The following CSMD2 variants were observed in gnomAD, a reference collection of about 807,000 sequenced individuals.
CSMD2 encodes the protein CUB and sushi domain-containing protein 2.
CSMD2 carries 130 observed loss-of-function variants against 398.5 expected under a neutral mutation model. The observed-to-expected ratio is 0.33, with a 90% CI of 0.28 to 0.38. CSMD2 has a LOEUF of 0.38. Ranked by LOEUF, CSMD2 falls within the 10% of genes least tolerant of loss-of-function variation. The probability of loss-of-function intolerance (pLI) is 1.00; values close to 1 mark genes in which losing one functional copy is unlikely to be tolerated. For synonymous variants in CSMD2, 1,828 were observed against 1,908.5 expected (o/e 0.96, Z 1.10); for missense variants, 3,829 against 4,764.9 (o/e 0.80, Z 5.78).
intron 3 of CSMD2, among the ~76,000 whole-genome samples, chr1:34,009,855 A>G (rs546839540): frequency 6.6e-6 from 1 of 152,034 alleles, no homozygotes; most frequent in East Asian, 1.9e-4. Flanking sequence ...TCTCCCCTAC[A>G]TCCCATTCCC....
intron 3 of CSMD2, among the ~76,000 whole-genome samples, chr1:34,007,683 G>C (rs1362304918): frequency 2.0e-5 from 3 of 152,132 alleles, no homozygotes; most frequent in African/African-American, 7.2e-5. Context: ...AAGGGGAAGA[G>C]TAGAAACAAT....
chr1:33,702,478 CAG>C (rs1645641468), intron 22 of CSMD2, among the ~76,000 whole-genome samples: 1 of 152,086 alleles, frequency 6.6e-6, no homozygotes, highest in East Asian at 1.9e-4. Flanking sequence ...ACTTATAAAA[CAG>C]AAATGTGCAA....
At chr1:34,043,781 T>C (rs1457330834) in intron 2 of CSMD2, among the ~76,000 whole-genome samples, 1 of 152,154 alleles carries the variant, frequency 6.6e-6, no homozygotes, top group African/African-American at 2.4e-5. Context: ...AACATTATGG[T>C]TTATGCTGAA....
chr1:33,865,314 A>G (rs530676813), intron 5 of CSMD2, among the ~76,000 whole-genome samples: 7 of 151,296 alleles, frequency 4.6e-5, no homozygotes, highest in African/African-American at 1.7e-4. Flanking sequence ...CAGGATTTCC[A>G]GCAACACTTA....
chr1:33,646,341 A>C (rs1478568374), intron 29 of CSMD2, among the ~76,000 whole-genome samples: 1 of 152,246 alleles, frequency 6.6e-6, no homozygotes, highest in Non-Finnish European at 1.5e-5. Flanking sequence ...GCTGATAGCT[A>C]TGAGGTTGAA....
intron 5 of CSMD2, among the ~76,000 whole-genome samples, chr1:33,857,245 G>A (rs1272720210): frequency 1.3e-5 from 2 of 152,086 alleles, no homozygotes; most frequent in African/African-American, 2.4e-5. Flanking sequence ...AAAGGTGCCT[G>A]GCACATAGCA....
At chr1:33,847,964 A>C (rs1224748941) in intron 5 of CSMD2, among the ~76,000 whole-genome samples, 1 of 152,224 alleles carries the variant, frequency 6.6e-6, no homozygotes, top group Non-Finnish European at 1.5e-5. Flanking sequence ...CCAGCTTCTA[A>C]CACCATACTG....
chr1:34,093,108 C>A (rs1264640998), intron 1 of CSMD2, among the ~76,000 whole-genome samples: 2 of 152,274 alleles, frequency 1.3e-5, no homozygotes, highest in African/African-American at 2.4e-5. Flanking sequence ...CCCCTGACCC[C>A]CGAGCAGCCT....
chr1:33,865,098 T>C (rs1639922861), intron 5 of CSMD2, among the ~76,000 whole-genome samples: 2 of 150,868 alleles, frequency 1.3e-5, no homozygotes, highest in South Asian at 2.1e-4. Context: ...GCAGCAGTCA[T>C]GGAGGTAGAA....
At chr1:33,722,387 G>A (rs1042230712) in intron 19 of CSMD2, among the ~76,000 whole-genome samples, 3 of 152,196 alleles carry the variant, frequency 2.0e-5, no homozygotes, top group Admixed American at 1.3e-4. Flanking sequence ...TGGAATGCCT[G>A]AACCATTTCG....
chr1:33,792,422 C>G lies in CSMD2; in HGVS notation c.1550+1G>C. 6.2e-7 allele frequency: 1 copy of G among 1,610,370 alleles called. No homozygotes were observed. The highest frequency in any genetic ancestry group is 8.5e-7 in the Non-Finnish European group (1 of 1,176,592). The stretch of plus-strand genomic sequence containing the variant: ...CAAACAACATGCCCCACTGCACTTA[C>G]ATGTAGAGAACTGTCTTCTGGTCCC... On this transcript the variant is annotated splice_donor_variant, in intron 11 of 70. Transcript: ENST00000373381. LOFTEE classifies it high-confidence loss of function.
At chr1:34,124,659 C>T (rs753076638) in intron 1 of CSMD2, among the ~76,000 whole-genome samples, 11 of 152,160 alleles carry the variant, frequency 7.2e-5, no homozygotes, top group Non-Finnish European at 1.2e-4. Context: ...TGGATCAATG[C>T]GAGGTTGGCA....
At chr1:34,099,872 T>C (rs924229487) in intron 1 of CSMD2, among the ~76,000 whole-genome samples, 1 of 152,176 alleles carries the variant, frequency 6.6e-6, no homozygotes, top group Non-Finnish European at 1.5e-5. Context: ...AATGGATAGA[T>C]CAATTTCAGC....
At chr1:34,085,399 T>TA (rs1553309419) in intron 2 of CSMD2, among the ~76,000 whole-genome samples, 13 of 150,456 alleles carry the variant, frequency 8.6e-5, no homozygotes, top group South Asian at 4.2e-4. Flanking sequence ...ATAATAATAA[T>TA]AATAAATAAA....
intron 25 of CSMD2, among the ~76,000 whole-genome samples, chr1:33,666,230 T>A (rs541095497): frequency 1.2e-4 from 19 of 152,362 alleles, no homozygotes; most frequent in African/African-American, 4.3e-4. Flanking sequence ...CTCTTTTAGA[T>A]AAACTTTATG....
chr1:34,035,958 G>T (rs1651071872), intron 2 of CSMD2, among the ~76,000 whole-genome samples: 1 of 152,108 alleles, frequency 6.6e-6, no homozygotes, highest in African/African-American at 2.4e-5. Flanking sequence ...TTAAGAACAT[G>T]AAGAAATATT....
chr1:33,672,429 T>C (rs1411610124), intron 25 of CSMD2, among the ~76,000 whole-genome samples: 1 of 152,192 alleles, frequency 6.6e-6, no homozygotes, highest in Non-Finnish European at 1.5e-5. Context: ...GCGCCTGCCA[T>C]TGCCCAGGCT....
At chr1:33,643,616 A>C (rs1270322810) in intron 29 of CSMD2, among the ~76,000 whole-genome samples, 1 of 152,208 alleles carries the variant, frequency 6.6e-6, no homozygotes, top group Non-Finnish European at 1.5e-5. Flanking sequence ...AGCAATGCTC[A>C]GAGGAGTTAG....
At position 33,801,567 on chromosome 1, in the gene CSMD2, T is replaced by C. The variant is rs1416836827; in HGVS notation, c.1447-9041A>G. ...TGAGCTGCTTCTCTATGCCCAGCAC[T>C]GTGCTAACTGTGGAAGAAATAAACA... On this transcript the variant is annotated intron_variant, in intron 10 of 70. Transcript: ENST00000373381. 2.0e-5 allele frequency among the ~76,000 whole-genome samples: 3 copies of C among 152,232 alleles called. No individual in the cohort carries two copies. In the East Asian group the frequency reaches 5.8e-4, roughly 29 times the overall value.
Sources: gnomAD v4.1 joint callset for allele counts (sites outside exome capture counted in the v4.1 genomes callset) on GRCh38, gnomAD v4.1.1 for gene constraint, MANE v1.5 for transcripts, NCBI Gene and HGNC (gene_info 2026-07-23, HGNC 2026-07-21) for gene names.